The following PTPRF variants were observed in gnomAD, a reference collection of about 807,000 sequenced individuals.
PTPRF encodes the protein receptor-type tyrosine-protein phosphatase F.
Under a neutral mutation model 201.8 loss-of-function variants are expected in PTPRF, and 59 were observed. The observed-to-expected ratio is 0.29, with a 90% CI of 0.24 to 0.36. The LOEUF (loss-of-function observed/expected upper bound fraction) is 0.36. PTPRF is among the 10% of genes least tolerant of loss of function. The pLI is 1.00. For synonymous variants in PTPRF, 1,088 were observed against 1,089.7 expected, an observed-to-expected ratio of 1.00 and a Z score of 0.03; for missense variants, 2,132 against 2,690.5, an observed-to-expected ratio of 0.79 and a Z score of 4.59.
At chr1:43,620,022 G>A in intron 29 of PTPRF, 73 bp from the exon 30 acceptor site, 2 of 1,601,148 alleles carry the variant, frequency 1.2e-6, no homozygotes, top group Non-Finnish European at 1.7e-6. Context: ...GGGCCCCAAG[G>A]GGCTAGGCAG....
rs1653862166 is a variant in PTPRF, at chr1:43,601,995, C to T, written c.2314-76C>T. On this transcript the variant is annotated intron_variant, in intron 13 of 33. Coordinates refer to ENST00000359947, the MANE Select transcript of PTPRF (RefSeq NM_002840.5). Reference sequence around the variant, plus strand: ...CCCTCTGTCCTCCCTGGGCAAGGTCCCTTCCAGGCCAGGCCCTCTCCAGGT... The same window carrying T: ...CCCTCTGTCCTCCCTGGGCAAGGTCTCTTCCAGGCCAGGCCCTCTCCAGGT... The T allele has an allele frequency of 3.9e-6, 6 of 1,538,310 alleles. No individual in the cohort carries two copies. The African/African-American group carries it at 4.1e-5, about 11-fold the overall frequency.
Position 43,617,865 on chromosome 1 carries a change from G to T in PTPRF, c.4325G>T (p.Arg1442Leu). 1 of 1,613,748 alleles carries T rather than the reference G, an allele frequency of 6.2e-7. No homozygotes were observed. Among genetic ancestry groups the T allele is most frequent in the South Asian group, 1.1e-5 (1 of 91,068 alleles). ...GDFWRMVWEQ[R>L]TATVVMMTRL... ...TTCTGGAGGATGGTGTGGGAACAGC[G>T]CACGGCCACTGTGGTCATGATGACA... Residue 1442 changes from arginine to leucine, a missense_variant, in exon 25 of 34, where the codon CGC (arginine) becomes CTC (leucine). Coordinates refer to ENST00000359947, the MANE Select transcript of PTPRF (RefSeq NM_002840.5).
intron 1 of PTPRF, among the ~76,000 whole-genome samples, chr1:43,535,093 T>G (rs531166855): frequency 7.7e-4 from 118 of 152,260 alleles, no homozygotes; most frequent in African/African-American, 2.7e-3. Flanking sequence ...GAGGTTGCCT[T>G]TAATGAGAAG....
chr1:43,555,707 G>A (rs1357852117), intron 5 of PTPRF, among the ~76,000 whole-genome samples: 1 of 152,082 alleles, frequency 6.6e-6, no homozygotes, highest in Non-Finnish European at 1.5e-5. Context: ...GCCTCCCAAA[G>A]TGCTGGGATT....
rs1290516218 is a variant in PTPRF at position 43,619,742 on chromosome 1, G to A, written c.4995G>A (p.Lys1665=). Residue 1665 remains lysine, a synonymous_variant, in exon 29 of 34, where the codon AAG becomes AAA. Coordinates refer to ENST00000359947, the MANE Select transcript of PTPRF (RefSeq NM_002840.5). Reference sequence around the variant, plus strand: ...TCAGCGCCAACCTGCCCTGCAACAAGTTCAAGAACCGGCTGGTGAACATCA... The same window carrying A: ...TCAGCGCCAACCTGCCCTGCAACAAATTCAAGAACCGGCTGGTGAACATCA... ...RFISANLPCN[K]FKNRLVNIMP... 6 of 1,614,152 alleles carry A rather than the reference G, an allele frequency of 3.7e-6. No homozygotes were observed. The Admixed American group carries it at 5.0e-5, about 13-fold the overall frequency.
At chr1:43,535,519 T>A (rs1480079601) in intron 1 of PTPRF, among the ~76,000 whole-genome samples, 1 of 152,152 alleles carries the variant, frequency 6.6e-6, no homozygotes, top group East Asian at 1.9e-4. Context: ...CTGCTGTTTC[T>A]GGGGACTGTT....
rs1645220890 is a variant in PTPRF, at chr1:43,554,409, A to G, written c.379+468A>G. Among the ~76,000 whole-genome samples the G allele has an allele frequency of 6.6e-6, 1 of 152,092 alleles. No individual in the cohort carries two copies. Among genetic ancestry groups the G allele is most frequent in the Non-Finnish European group, 1.5e-5 (1 of 68,010 alleles). On this transcript the variant is annotated intron_variant, in intron 5 of 33. Coordinates refer to ENST00000359947, the MANE Select transcript of PTPRF (RefSeq NM_002840.5). This position sits in a 1 kb window ranked among gnomAD's most constrained non-coding sequence, Gnocchi z 4.1. The stretch of plus-strand genomic sequence containing the variant: ...CTCTCACTTGGTGGCTTCTCCATTC[A>G]TTCACAAACACTCCCTGGACCACCT...
chr1:43,620,848 C>G lies in PTPRF; in HGVS notation c.5375C>G (p.Ser1792Ter). 1 of 1,612,026 alleles carries G rather than the reference C, an allele frequency of 6.2e-7. No individual in the cohort carries two copies. Among genetic ancestry groups the G allele is most frequent in the Non-Finnish European group, 8.5e-7 (1 of 1,178,788 alleles). Residue 1792 changes from serine to a stop codon, truncating the protein, a stop_gained, in exon 32 of 34, where the codon TCA becomes TGA. Coordinates refer to ENST00000359947, the MANE Select transcript of PTPRF (RefSeq NM_002840.5). LOFTEE classifies it high-confidence loss of function. ...FKVTDARDGQ[S>*]RTIRQFQFTD... ...ACCCACCTTTCCCAGGATGGGCAGT[C>G]AAGGACAATCCGGCAGTTCCAGTTC...
rs938411301 is a variant in PTPRF, at chr1:43,576,023, C to T, written c.569-2787C>T. 5 of 1,191,088 alleles carry T rather than the reference C, an allele frequency of 4.2e-6. No individual in the cohort carries two copies. The African/African-American group carries it at 7.8e-5, about 19-fold the overall frequency. The allele number at this position is 1,191,088 out of a possible 1,614,324, so 73.8% of individuals were successfully genotyped here. On this transcript the variant is annotated intron_variant, in intron 6 of 33. Transcript: ENST00000359947. ...CAGTCTGTCACCTCCCCATCCCCAT[C>T]CCAACCTCTTCAGCCTCCTCATCTC...
chr1:43,538,422 G>A (rs1405356673), intron 2 of PTPRF, 145 bp downstream of exon 2: 3 of 396,904 alleles, frequency 7.6e-6, no homozygotes, highest in Non-Finnish European at 1.3e-5. Flanking sequence ...AGTGTGCACT[G>A]GTGAGAGATT....
intron 5 of PTPRF, among the ~76,000 whole-genome samples, chr1:43,566,532 G>A (rs567530102): frequency 1.6e-4 from 24 of 152,338 alleles, no homozygotes; most frequent in Non-Finnish European, 2.5e-4. Context: ...GCGGGTGCCC[G>A]TGGGGGAAGG....
rs748552530 is a variant in PTPRF, at chr1:43,606,340, C to T, written c.3584C>T (p.Pro1195Leu). 10 of 1,614,072 alleles carry T rather than the reference C, an allele frequency of 6.2e-6. No individual in the cohort carries two copies. Among genetic ancestry groups the T allele is most frequent in the African/African-American group, 1.3e-5 (1 of 74,940 alleles). ...GTGGCTGCTCAACTGGATGTGCTCC[C>T]GGAGACCTTTACCTTGGGGGACAAG... ...PYVAAQLDVL[P>L]ETFTLGDKKN... Residue 1195 changes from proline to leucine, a missense_variant, in exon 20 of 34, where the codon CCG becomes CTG. Pro to Leu is a moderately conservative substitution (Grantham distance 98). Coordinates refer to ENST00000359947, the MANE Select transcript of PTPRF (RefSeq NM_002840.5).
chr1:43,551,106 A>G (rs951659156), intron 3 of PTPRF, among the ~76,000 whole-genome samples: 3 of 152,130 alleles, frequency 2.0e-5, no homozygotes, highest in African/African-American at 7.2e-5. Context: ...CACTCTGGAC[A>G]CTGAGTAGAG....
At chr1:43,589,557 A>T (rs1650072673) in intron 8 of PTPRF, among the ~76,000 whole-genome samples, 1 of 152,048 alleles carries the variant, frequency 6.6e-6, no homozygotes, top group African/African-American at 2.4e-5. Flanking sequence ...CATATGTCAC[A>T]TATATGTAAC....
rs1157941739 is a variant in PTPRF at position 43,577,250 on chromosome 1, C to G, written c.569-1560C>G. 2.0e-5 allele frequency among the ~76,000 whole-genome samples: 3 copies of G among 152,182 alleles called. No homozygotes were observed. The East Asian group carries it at 5.8e-4, about 29-fold the overall frequency. ...AGCCTCGACCCCTCAGCGGCCTGAA[C>G]CCGACCTGCTTGAAGGAACATTTTC... On this transcript the variant is annotated intron_variant, in intron 6 of 33. Transcript: ENST00000359947.
intron 7 of PTPRF, among the ~76,000 whole-genome samples, chr1:43,582,300 A>G (rs1647891038): frequency 6.6e-6 from 1 of 152,206 alleles, no homozygotes; most frequent in African/African-American, 2.4e-5. Context: ...AGCCTCTCGG[A>G]TAGCACTGTG....
intron 16 of PTPRF, 32 bp downstream of exon 16, chr1:43,604,221 A>C: frequency 6.3e-7 from 1 of 1,596,736 alleles, no homozygotes; most frequent in South Asian, 1.1e-5. Flanking sequence ...TCCCTTCCCG[A>C]GTGTGGCTGC....
intron 16 of PTPRF, 39 bp from the exon 17 acceptor site, chr1:43,604,864 A>G (rs754767342): frequency 1.1e-5 from 17 of 1,577,326 alleles, no homozygotes; most frequent in Non-Finnish European, 1.4e-5. Flanking sequence ...ACCCCACCTC[A>G]TATACCCAGC....
chr1:43,549,144 G>A (rs1644865511), intron 3 of PTPRF, among the ~76,000 whole-genome samples: 1 of 152,226 alleles, frequency 6.6e-6, no homozygotes, highest in Non-Finnish European at 1.5e-5. Flanking sequence ...GGGGTGTCAG[G>A]CCAGGTGGCA....
Sources: allele counts gnomAD v4.1 joint callset (sites outside exome capture counted in the v4.1 genomes callset), GRCh38; gene constraint gnomAD v4.1.1; non-coding constraint Gnocchi (gnomAD v3.1); transcripts MANE v1.5; gene names NCBI Gene and HGNC (gene_info 2026-07-23, HGNC 2026-07-21).